The following LRRC8C variants were observed in gnomAD, a reference collection of about 807,000 sequenced individuals.
LRRC8C encodes the protein volume-regulated anion channel subunit LRRC8C.
Under a neutral mutation model 55.3 loss-of-function variants are expected in LRRC8C, and 20 were observed. The ratio of observed to expected loss-of-function variants is 0.36; its 90% CI spans 0.25 to 0.53. The LOEUF is 0.53. Ranked by LOEUF, LRRC8C falls within the 20% of genes least tolerant of loss-of-function variation. The pLI, the probability that LRRC8C is intolerant of heterozygous loss-of-function variation, is 0.92. For synonymous variants in LRRC8C, 376 were observed against 360.7 expected (o/e 1.04, Z -0.48); for missense variants, 659 against 951.4 (o/e 0.69, Z 4.04).
chr1:89,642,525 G>A (rs1229129129), intron 1 of LRRC8C, among the ~76,000 whole-genome samples: 1 of 151,950 alleles, frequency 6.6e-6, no homozygotes, highest in Non-Finnish European at 1.5e-5. Context: ...GACCAGCCTG[G>A]CCAACATGGT....
intron 2 of LRRC8C, among the ~76,000 whole-genome samples, chr1:89,708,834 A>G (rs557780633): frequency 3.8e-4 from 58 of 152,294 alleles, no homozygotes; most frequent in African/African-American, 1.3e-3. Flanking sequence ...TTTGACAGCC[A>G]GCCCTCACAT....
At chr1:89,697,598 A>G (rs531690672) in intron 2 of LRRC8C, among the ~76,000 whole-genome samples, 25 of 152,304 alleles carry the variant, frequency 1.6e-4, no homozygotes, top group South Asian at 6.2e-4. Flanking sequence ...AAATCAAAAC[A>G]TGTTCTGTGT....
chr1:89,708,662 A>T (rs575333556), intron 2 of LRRC8C: 1 of 151,596 alleles, frequency 6.6e-6, no homozygotes, highest in Non-Finnish European at 1.5e-5. Context: ...GAAAATACTG[A>T]TCCTTTTCCC....
chr1:89,689,935 C>T (rs895238688), intron 2 of LRRC8C, among the ~76,000 whole-genome samples: 4 of 150,770 alleles, frequency 2.7e-5, no homozygotes, highest in East Asian at 1.9e-4. Flanking sequence ...AGCAAGACTC[C>T]GTCTCAAAAA....
At chr1:89,674,941 T>C (rs1056989650) in intron 1 of LRRC8C, among the ~76,000 whole-genome samples, 9 of 152,208 alleles carry the variant, frequency 5.9e-5, no homozygotes, top group African/African-American at 2.2e-4. Context: ...TGTTTCCTAG[T>C]TTTTTATGTT....
chr1:89,652,716 C>A (rs1233713044), intron 1 of LRRC8C, among the ~76,000 whole-genome samples: 6 of 152,152 alleles, frequency 3.9e-5, no homozygotes, highest in African/African-American at 1.4e-4. Context: ...AAGAAAGCCA[C>A]TGTCCCAGAG....
intron 1 of LRRC8C, among the ~76,000 whole-genome samples, chr1:89,669,188 C>T (rs1657349701): frequency 6.6e-6 from 1 of 151,254 alleles, no homozygotes; most frequent in Non-Finnish European, 1.5e-5. Flanking sequence ...AAGCCAGTCA[C>T]AGAAAGATAT....
intron 1 of LRRC8C, among the ~76,000 whole-genome samples, chr1:89,668,778 C>A (rs1417239462): frequency 6.6e-6 from 1 of 152,164 alleles, no homozygotes; most frequent in Non-Finnish European, 1.5e-5. Flanking sequence ...AAGATAATAC[C>A]TACCTCGTGG....
chr1:89,630,168 C>T (rs756757532), upstream of LRRC8C, among the ~76,000 whole-genome samples: 1 of 152,094 alleles, frequency 6.6e-6, no homozygotes, highest in African/African-American at 2.4e-5. Context: ...ATTAATTACG[C>T]CTTCAAGGAA....
the LRRC8C span, among the ~76,000 whole-genome samples, chr1:89,622,383 A>T: frequency 2.7e-5 from 4 of 145,950 alleles, no homozygotes; most frequent in Non-Finnish European, 5.9e-5. Flanking sequence ...CCCAGGCTGG[A>T]GTGCAGTGGC....
At chr1:89,663,163 T>G (rs1657163621) in intron 1 of LRRC8C, among the ~76,000 whole-genome samples, 1 of 152,272 alleles carries the variant, frequency 6.6e-6, no homozygotes, top group East Asian at 1.9e-4. Context: ...CAGCCTTTTT[T>G]ATGGCTACAT....
Position 89,633,319 on chromosome 1 carries a change from G to A in LRRC8C, c.-8G>A, listed in dbSNP as rs1355925533. 6.6e-6 allele frequency: 1 copy of A among 152,294 alleles called. No individual in the cohort carries two copies. The highest frequency in any genetic ancestry group is 2.4e-5 in the African/African-American group (1 of 41,446). 9.4% of individuals were successfully genotyped at this position (152,294 alleles called of 1,614,324 possible). A position where few individuals can be genotyped will look rare whatever the true frequency, so the allele number is the denominator to read the frequency against. ...TTCTCCAGTCGACACTCTCGCGCCC[G>A]GAGGTAAGGGCGGGGGATCCGCGGA... On this transcript the variant is annotated 5_prime_UTR_variant, in exon 1 of 3. Coordinates refer to ENST00000370454, the MANE Select transcript of LRRC8C (RefSeq NM_032270.5).
At position 89,709,859 on chromosome 1, in the gene LRRC8C, T is replaced by C. The variant is rs192945851; in HGVS notation, c.139-2850T>C. ...CTCCGCCTCCCGGGTTCACGCCATT[T>C]TCCTGCCTCAGCCTCCCCAGTAGTT... is the stretch of plus-strand genomic sequence containing the variant. On this transcript the variant is annotated intron_variant, in intron 2 of 2. Coordinates refer to ENST00000370454, the MANE Select transcript of LRRC8C (RefSeq NM_032270.5). Among the ~76,000 whole-genome samples the C allele has an allele frequency of 2.7e-3, 405 of 151,954 alleles. 3 individuals carry two copies. Among genetic ancestry groups the C allele is most frequent in the African/African-American group, 8.8e-3 (365 of 41,470 alleles).
At chr1:89,645,740 T>TAGAA (rs1656592909) in intron 1 of LRRC8C, among the ~76,000 whole-genome samples, 1 of 152,018 alleles carries the variant, frequency 6.6e-6, no homozygotes, top group South Asian at 2.1e-4. Context: ...CTGAACCCAA[T>TAGAA]AGAATTAAAT....
chr1:89,688,212 G>T (rs1657933619), intron 2 of LRRC8C, among the ~76,000 whole-genome samples: 1 of 151,830 alleles, frequency 6.6e-6, no homozygotes, highest in South Asian at 2.1e-4. Context: ...CCAACAAAGG[G>T]TGCCAGTGAG....
intron 1 of LRRC8C, among the ~76,000 whole-genome samples, chr1:89,659,097 G>A (rs1336902040): frequency 7.1e-6 from 1 of 141,256 alleles, no homozygotes; most frequent in African/African-American, 2.7e-5. Context: ...GTGTGTGTGT[G>A]TGTGTGTGTG....
chr1:89,633,795 A>G (rs909149823), intron 1 of LRRC8C, among the ~76,000 whole-genome samples: 1 of 152,158 alleles, frequency 6.6e-6, no homozygotes, highest in African/African-American at 2.4e-5. Context: ...AGGGAAAGGA[A>G]TTGGAAGGTT....
intron 1 of LRRC8C, among the ~76,000 whole-genome samples, chr1:89,668,742 TTGTG>T (rs1657336338): frequency 6.6e-6 from 1 of 152,230 alleles, no homozygotes; most frequent in African/African-American, 2.4e-5. Context: ...TAATCTCTCT[TTGTG>T]TGTTTCCTCT....
At chr1:89,647,195 A>G (rs950532234) in intron 1 of LRRC8C, among the ~76,000 whole-genome samples, 2 of 152,220 alleles carry the variant, frequency 1.3e-5, no homozygotes, top group Non-Finnish European at 2.9e-5. Flanking sequence ...TAAGTACCAT[A>G]TCCTGGATTA....
Sources: gnomAD v4.1 joint callset for allele counts (sites outside exome capture counted in the v4.1 genomes callset) on GRCh38, gnomAD v4.1.1 for gene constraint, MANE v1.5 for transcripts, NCBI Gene and HGNC (gene_info 2026-07-23, HGNC 2026-07-21) for gene names.